The following RABGAP1 variants were observed in gnomAD, a reference collection of about 807,000 sequenced individuals.
The protein encoded by RABGAP1 is rab GTPase-activating protein 1.
A neutral mutation model predicts 137.6 loss-of-function variants in RABGAP1; 23 were observed. The observed-to-expected ratio is 0.17, with a 90% confidence interval of 0.12 to 0.24. The LOEUF is 0.24. Among genes scored for constraint, RABGAP1 ranks in the 10% least tolerant of loss-of-function variants. The pLI is 1.00. For missense variants in RABGAP1, 906 were observed against 1,275.8 expected, an observed-to-expected ratio of 0.71 and a Z score of 4.42; for synonymous variants, 451 against 450.7, an observed-to-expected ratio of 1.00 and a Z score of -0.01.
At chr9:123,096,499 C>T (rs959690546) in intron 21 of RABGAP1, among the ~76,000 whole-genome samples, 25 of 152,232 alleles carry the variant, frequency 1.6e-4, no homozygotes, top group African/African-American at 5.8e-4. Flanking sequence ...AATTTAATTG[C>T]GTGCATTTGC....
chr9:123,090,941 A>G (rs1285118463), intron 21 of RABGAP1, among the ~76,000 whole-genome samples: 2 of 152,218 alleles, frequency 1.3e-5, no homozygotes, highest in Non-Finnish European at 2.9e-5. Flanking sequence ...CTAACCTTAG[A>G]AGAAATGGTA....
intron 1 of RABGAP1, among the ~76,000 whole-genome samples, chr9:122,941,798 C>G (rs1419126081): frequency 2.0e-5 from 3 of 152,338 alleles, no homozygotes; most frequent in Admixed American, 6.5e-5. Context: ...TGTCCATTGC[C>G]TGGTAGTACT....
In RABGAP1 at chr9:123,070,267, C is replaced by G; in HGVS notation, c.1909-83C>G. The G allele has an allele frequency of 6.3e-7, 1 of 1,588,662 alleles. No individual in the cohort carries two copies. The highest frequency in any genetic ancestry group is 1.3e-5 in the African/African-American group (1 of 74,314). ...AGTGTGGGTAGCATCCTCCAGGGTT[C>G]TGTATTCAAGGTCCTATAGTGCCAC... On this transcript the variant is annotated intron_variant, in intron 14 of 25. Coordinates refer to ENST00000373647, the MANE Select transcript of RABGAP1 (RefSeq NM_012197.4). The surrounding 1 kb of genome is among the most constrained non-coding windows in gnomAD (Gnocchi z 4.4).
At chr9:122,999,178 G>GTTGT (rs1047597130) in intron 10 of RABGAP1, among the ~76,000 whole-genome samples, 1 of 151,346 alleles carries the variant, frequency 6.6e-6, no homozygotes, top group East Asian at 1.9e-4. Context: ...TGTTGTTGTT[G>GTTGT]TTGTTTGTTT....
At chr9:122,984,986 T>C (rs1836289612) in intron 3 of RABGAP1, among the ~76,000 whole-genome samples, 1 of 7,582 alleles carries the variant, frequency 1.3e-4, no homozygotes, top group African/African-American at 1.6e-4. Flanking sequence ...AGTCTTTTTT[T>C]TTTTCCCCCC....
chr9:123,042,877 T>G (rs1372272512), intron 13 of RABGAP1, among the ~76,000 whole-genome samples: 1 of 152,156 alleles, frequency 6.6e-6, no homozygotes. Flanking sequence ...GTTATAAAAT[T>G]TCAGAACAAT....
At chr9:122,979,563 G>T (rs1453728071) in intron 2 of RABGAP1, among the ~76,000 whole-genome samples, 1 of 152,122 alleles carries the variant, frequency 6.6e-6, no homozygotes, top group Non-Finnish European at 1.5e-5. Flanking sequence ...GATTTCTCCT[G>T]TGTTTTATTC....
intron 10 of RABGAP1, among the ~76,000 whole-genome samples, chr9:123,002,264 G>A (rs7862983): frequency 1.3e-5 from 2 of 150,116 alleles, no homozygotes; most frequent in Admixed American, 6.6e-5. Flanking sequence ...TCACACCATC[G>A]CACTCCAGCC....
At chr9:123,003,527 C>T (rs1233100248) in intron 10 of RABGAP1, among the ~76,000 whole-genome samples, 1 of 152,174 alleles carries the variant, frequency 6.6e-6, no homozygotes, top group Non-Finnish European at 1.5e-5. Context: ...TAAGAATATA[C>T]AACATACAGC....
intron 10 of RABGAP1, among the ~76,000 whole-genome samples, chr9:123,001,945 C>G (rs1290832465): frequency 6.6e-6 from 1 of 152,048 alleles, no homozygotes; most frequent in East Asian, 1.9e-4. Flanking sequence ...AGGGTGAGCC[C>G]CGGGAGAAGA....
In RABGAP1 at chr9:123,009,741, C is replaced by T. The variant is rs572286061; in HGVS notation, c.1375-613C>T. Among the ~76,000 whole-genome samples the T allele has an allele frequency of 8.5e-5, 13 of 152,154 alleles. 1 individual carries two copies. The South Asian group carries it at 2.3e-3, about 27-fold the overall frequency. Reference sequence around the variant, plus strand: ...CTAAAATACAATCAGTTGGAGTAATCAACATTTTTGTGGTTACTGTTGATG... The same window carrying T: ...CTAAAATACAATCAGTTGGAGTAATTAACATTTTTGTGGTTACTGTTGATG... On this transcript the variant is annotated intron_variant, in intron 10 of 25. Coordinates refer to ENST00000373647, the MANE Select transcript of RABGAP1 (RefSeq NM_012197.4).
intron 2 of RABGAP1, among the ~76,000 whole-genome samples, chr9:122,968,807 G>A (rs186591015): frequency 1.3e-5 from 2 of 152,116 alleles, no homozygotes; most frequent in Non-Finnish European, 2.9e-5. Flanking sequence ...TAGAGACGGG[G>A]TTTTGCCATG....
chr9:123,035,011 T>C (rs2131993906), intron 13 of RABGAP1: 1 of 1,613,606 alleles, frequency 6.2e-7, no homozygotes, highest in East Asian at 2.2e-5. Flanking sequence ...ACTACGCCTG[T>C]GTATTTTCCT....
intron 21 of RABGAP1, among the ~76,000 whole-genome samples, chr9:123,095,563 A>G (rs1414068810): frequency 6.6e-6 from 1 of 152,216 alleles, no homozygotes; most frequent in Non-Finnish European, 1.5e-5. Flanking sequence ...ATAGCTGAGC[A>G]TAGTGACACA....
Position 123,028,584 on chromosome 9 carries a change from A to C in RABGAP1, c.1794+8125A>C, listed in dbSNP as rs1267068776. Among the ~76,000 whole-genome samples, 3 of 152,248 alleles carry C rather than the reference A, an allele frequency of 2.0e-5. No homozygotes were observed. The East Asian group carries it at 5.8e-4, about 29-fold the overall frequency. On this transcript the variant is annotated intron_variant, in intron 13 of 25. Transcript: ENST00000373647. ...AGTCAGAGAGAACAGCGTGTACTCA[A>C]GGCAGTTCCATAGAGTGTGAATGGA...
chr9:122,957,067 A>G lies in RABGAP1; in HGVS notation c.8A>G (p.Asp3Gly). 1 of 1,516,758 alleles carries G rather than the reference A, an allele frequency of 6.6e-7. No homozygotes were observed. Among genetic ancestry groups the G allele is most frequent in the Non-Finnish European group, 9.0e-7 (1 of 1,114,762 alleles). 94.0% of individuals were successfully genotyped at this position (1,516,758 alleles called of 1,614,324 possible). A position where few individuals can be genotyped will look rare whatever the true frequency, so the allele number is the denominator to read the frequency against. Residue 3 changes from aspartate to glycine, a missense_variant, in exon 2 of 26, where the codon GAC becomes GGC. By Grantham distance (94) the Asp-to-Gly change is moderately conservative. This residue lies in a region of RABGAP1 where 331 missense variants were observed against 358.3 expected (regional missense o/e 0.92). Transcript: ENST00000373647. ...GAGACTCATTCTTGAGTTATGGATG[A>G]CAAGGCTTCTGTTGGAAAAATCAGT... is the stretch of plus-strand genomic sequence containing the variant. MDDKASVGKISVS... is the reference protein window; with the variant it reads MDGKASVGKISVS...
In RABGAP1 at chr9:122,963,742, C is replaced by T. The variant is rs77373560; in HGVS notation, c.150+6533C>T. ...AAAGGTACATTAAACCTAAAACAGT[C>T]AGAAGGAAGGAAAATAAAAGAACAG... On this transcript the variant is annotated intron_variant, in intron 2 of 25. Transcript: ENST00000373647. Among the ~76,000 whole-genome samples, 632 of 108,632 alleles carry T rather than the reference C, an allele frequency of 5.8e-3. 7 individuals are homozygous for T. Among genetic ancestry groups the T allele is most frequent in the East Asian group, 0.036 (176 of 4,866 alleles). The allele number at this position is 108,632 out of a possible 152,430, so 71.3% of individuals were successfully genotyped here. A position where few individuals can be genotyped will look rare whatever the true frequency, so the allele number is the denominator to read the frequency against.
At chr9:123,008,373 G>A (rs550227876) in intron 10 of RABGAP1, among the ~76,000 whole-genome samples, 2 of 151,898 alleles carry the variant, frequency 1.3e-5, no homozygotes, top group African/African-American at 4.8e-5. Context: ...GTGAAACCCC[G>A]TCTCCACTAA....
the RABGAP1 span, among the ~76,000 whole-genome samples, chr9:122,934,844 A>G: frequency 2.0e-5 from 3 of 152,090 alleles, no homozygotes; most frequent in Non-Finnish European, 4.4e-5. Flanking sequence ...CCATCAAGCA[A>G]TCCGCCTGCG....
Sources: gnomAD v4.1 joint callset for allele counts (sites outside exome capture counted in the v4.1 genomes callset) on GRCh38, gnomAD v4.1.1 for gene constraint, gnomAD v4.1.1 regional missense constraint, Gnocchi (gnomAD v3.1) non-coding constraint, MANE v1.5 for transcripts, NCBI Gene and HGNC (gene_info 2026-07-23, HGNC 2026-07-21) for gene names.